CDH4: variants seen among roughly 807,000 people sequenced by gnomAD.
The protein encoded by CDH4 is cadherin 4.
CDH4 carries 33 observed loss-of-function variants against 86.0 expected under a neutral mutation model. That is an observed-to-expected ratio of 0.38 (90% confidence interval 0.29 to 0.51). The LOEUF is 0.51. Among genes scored for constraint, CDH4 ranks in the 20% least tolerant of loss-of-function variants. The pLI is 0.86. For missense variants in CDH4, 1,114 were observed against 1,307.4 expected (o/e 0.85, Z 2.28); for synonymous variants, 555 against 549.4 (o/e 1.01, Z -0.14).
intron 2 of CDH4, among the ~76,000 whole-genome samples, chr20:61,438,641 G>A (rs1158737965): frequency 6.6e-6 from 1 of 152,188 alleles, no homozygotes; most frequent in Non-Finnish European, 1.5e-5. Context: ...TATTTGAGTG[G>A]ATAAGGGCAG....
intron 8 of CDH4, among the ~76,000 whole-genome samples, chr20:61,896,159 G>T (rs1347379913): frequency 2.0e-5 from 3 of 152,344 alleles, no homozygotes; most frequent in Admixed American, 1.3e-4. Context: ...TGAGGCCAGG[G>T]TGCGGCCAGG....
At chr20:61,865,585 G>A (rs1197467078) in intron 6 of CDH4, among the ~76,000 whole-genome samples, 3 of 147,950 alleles carry the variant, frequency 2.0e-5, no homozygotes, top group Non-Finnish European at 4.5e-5. Context: ...ATGATAGGTC[G>A]CTTCCTGGCT....
At chr20:61,318,780 G>T (rs2084491944) in intron 2 of CDH4, among the ~76,000 whole-genome samples, 1 of 152,218 alleles carries the variant, frequency 6.6e-6, no homozygotes, top group Admixed American at 6.5e-5. Context: ...GTAATCCCTG[G>T]ATATGCACTG....
chr20:61,921,190 C>T lies in CDH4; in HGVS notation c.1375-2261C>T, dbSNP rs1160700094. 5.4e-5 allele frequency among the ~76,000 whole-genome samples: 7 copies of T among 130,076 alleles called. No homozygotes were observed. In the South Asian group the frequency reaches 9.5e-4, roughly 18 times the overall value. The allele number at this position is 130,076 out of a possible 152,430, so 85.3% of individuals were successfully genotyped here. A position where few individuals can be genotyped will look rare whatever the true frequency, so the allele number is the denominator to read the frequency against. On this transcript the variant is annotated intron_variant, in intron 9 of 15. Coordinates refer to ENST00000614565, the MANE Select transcript of CDH4 (RefSeq NM_001794.5). ...TGGTGTCACAGTGATTGCATGGAAG[C>T]GTGGTGTCGTGATTGCATGGAAGCA...
intron 2 of CDH4, among the ~76,000 whole-genome samples, chr20:61,285,876 G>C (rs758891192): frequency 3.0e-4 from 45 of 152,238 alleles, no homozygotes; most frequent in Non-Finnish European, 5.4e-4. Context: ...CAGGGGGCTG[G>C]GGATGGCCGT....
chr20:61,613,847 T>C (rs1316337897), intron 2 of CDH4, among the ~76,000 whole-genome samples: 2 of 151,260 alleles, frequency 1.3e-5, no homozygotes, highest in Non-Finnish European at 2.9e-5. Context: ...GAAGCTCAAA[T>C]TGGTGGGAGG....
At chr20:61,652,661 C>A (rs909905325) in intron 2 of CDH4, among the ~76,000 whole-genome samples, 19 of 151,950 alleles carry the variant, frequency 1.3e-4, no homozygotes, top group African/African-American at 3.4e-4. Flanking sequence ...TCAGAAAAAC[C>A]CGATTCCATA....
intron 2 of CDH4, among the ~76,000 whole-genome samples, chr20:61,636,513 C>G (rs757485333): frequency 2.0e-5 from 3 of 152,264 alleles, no homozygotes; most frequent in Non-Finnish European, 4.4e-5. Flanking sequence ...AATCCCTGTT[C>G]CCGTCGCAGG....
chr20:61,476,463 T>C (rs2085536531), intron 2 of CDH4, among the ~76,000 whole-genome samples: 1 of 152,192 alleles, frequency 6.6e-6, no homozygotes, highest in Admixed American at 6.5e-5. Context: ...ATAACACACA[T>C]TTATATCCAT....
rs769584872 is a variant in CDH4, at chr20:61,904,962, G to C, written c.1189-5460G>C. Among the ~76,000 whole-genome samples the C allele has an allele frequency of 2.0e-5, 3 of 152,208 alleles. No individual in the cohort carries two copies. The South Asian group carries it at 6.2e-4, about 31-fold the overall frequency. On this transcript the variant is annotated intron_variant, in intron 8 of 15. Coordinates refer to ENST00000614565, the MANE Select transcript of CDH4 (RefSeq NM_001794.5). ...GTTCCTGCCCAAATCCTCCTCTTGC[G>C]AATGGTGACCTTCCCCTGAGAAGCT...
chr20:61,678,539 G>A (rs985867399), intron 2 of CDH4, among the ~76,000 whole-genome samples: 1 of 152,212 alleles, frequency 6.6e-6, no homozygotes, highest in Non-Finnish European at 1.5e-5. Context: ...TCTCAGCAAC[G>A]CAGTTTCTGG....
intron 2 of CDH4, among the ~76,000 whole-genome samples, chr20:61,338,602 A>G (rs536787881): frequency 6.6e-6 from 1 of 152,278 alleles, no homozygotes; most frequent in Admixed American, 6.5e-5. Flanking sequence ...TAATTTGTTC[A>G]TGGAGTCTTC....
intron 2 of CDH4, among the ~76,000 whole-genome samples, chr20:61,560,199 C>T (rs1415159897): frequency 6.6e-6 from 1 of 152,220 alleles, no homozygotes; most frequent in Admixed American, 6.5e-5. Flanking sequence ...ATCCCCCCAC[C>T]TGCGGGTGCT....
chr20:61,395,743 G>A (rs184572140), intron 2 of CDH4, among the ~76,000 whole-genome samples: 6 of 152,296 alleles, frequency 3.9e-5, no homozygotes, highest in Admixed American at 2.0e-4. Context: ...TGGCGTCACC[G>A]CATTCCAGCC....
At chr20:61,856,382 C>G (rs934539968) in intron 6 of CDH4, among the ~76,000 whole-genome samples, 7 of 144,744 alleles carry the variant, frequency 4.8e-5, no homozygotes, top group African/African-American at 1.8e-4. Flanking sequence ...ACACTCTTCT[C>G]CAGCCCCCCG....
At chr20:61,670,205 C>T (rs927284598) in intron 2 of CDH4, among the ~76,000 whole-genome samples, 1 of 152,208 alleles carries the variant, frequency 6.6e-6, no homozygotes, top group Non-Finnish European at 1.5e-5. Context: ...TCTGCAACAC[C>T]ACCAACAAGC....
intron 2 of CDH4, among the ~76,000 whole-genome samples, chr20:61,592,131 G>A (rs576310535): frequency 6.2e-4 from 95 of 152,116 alleles, no homozygotes; most frequent in Non-Finnish European, 1.2e-3. Context: ...ACTCAAAACA[G>A]TGGTTCAGGT....
chr20:61,652,938 A>ATTTATTTTTTTTTTTTTTT (rs1555819716), intron 2 of CDH4, among the ~76,000 whole-genome samples: 11 of 97,424 alleles, frequency 1.1e-4, no homozygotes, highest in East Asian at 4.8e-4. Context: ...TTATTTATTT[A>ATTTATTTTTTTTTTTTTTT]TTTTTTTTTT....
chr20:61,787,167 C>T (rs1446926585), intron 4 of CDH4, among the ~76,000 whole-genome samples: 1 of 152,146 alleles, frequency 6.6e-6, no homozygotes, highest in East Asian at 1.9e-4. Flanking sequence ...TCCATCCATC[C>T]ATTCATGCAT....
Sources: gnomAD v4.1 joint callset for allele counts (sites outside exome capture counted in the v4.1 genomes callset) on GRCh38, gnomAD v4.1.1 for gene constraint, MANE v1.5 for transcripts, NCBI Gene and HGNC (gene_info 2026-07-23, HGNC 2026-07-21) for gene names.